MYLK4: variants seen among roughly 807,000 people sequenced by gnomAD.
MYLK4 encodes the protein caMLCK like.
In MYLK4, 46 loss-of-function variants were observed where a neutral mutation model predicts 48.1. The observed-to-expected ratio is 0.96, with a 90% CI of 0.75 to 1.22. The LOEUF is 1.22. Ranked by LOEUF, MYLK4 falls within the 50% of genes most tolerant of loss-of-function variation. MYLK4 has a pLI of 0.00. For synonymous variants in MYLK4, 170 were observed against 180.8 expected, an observed-to-expected ratio of 0.94 and a Z score of 0.48; for missense variants, 451 against 486.1, an observed-to-expected ratio of 0.93 and a Z score of 0.68.
chr6:2,676,622 A>G (rs1389663484), intron 10 of MYLK4, among the ~76,000 whole-genome samples: 3 of 152,200 alleles, frequency 2.0e-5, no homozygotes, highest in East Asian at 1.9e-4. Flanking sequence ...GTTTCATCCA[A>G]GCATTGACTG....
chr6:2,701,938 A>G (rs1032134123), intron 2 of MYLK4, among the ~76,000 whole-genome samples: 6 of 152,236 alleles, frequency 3.9e-5, no homozygotes, highest in Non-Finnish European at 2.9e-5. Context: ...TCGTGTGTCT[A>G]TTTACATCTT....
At chr6:2,683,391 T>TTGTG (rs67359849) in intron 6 of MYLK4, among the ~76,000 whole-genome samples, 4,144 of 126,592 alleles carry the variant, frequency 0.033, 160 homozygotes, top group African/African-American at 0.036. Flanking sequence ...CCCCACCTTT[T>TTGTG]TGTGTGTGTG....
intron 2 of MYLK4, among the ~76,000 whole-genome samples, chr6:2,711,170 T>C (rs17291253): frequency 0.02 from 3,052 of 152,286 alleles, 54 homozygotes; most frequent in Non-Finnish European, 0.033. Context: ...TATCAGTCCA[T>C]TAATTAACAC....
chr6:2,680,109 A>T, intron 8 of MYLK4, 112 bp downstream of exon 8: 2 of 1,242,590 alleles, frequency 1.6e-6, no homozygotes, highest in Non-Finnish European at 2.2e-6. Flanking sequence ...TGTTAAATTA[A>T]TTATAAATGA....
At position 2,718,917 on chromosome 6, in the gene MYLK4, C is replaced by T. The variant is rs145412053; in HGVS notation, c.160-26058G>A. Among the ~76,000 whole-genome samples, 598 of 152,286 alleles carry T rather than the reference C, an allele frequency of 3.9e-3. 5 individuals carry two copies. The highest frequency in any genetic ancestry group is 0.014 in the African/African-American group (564 of 41,550). ...GAATGTTTTTCTTTTACATTAAGAA[C>T]GCCTTTAGATATGGCTAGAAGTCAC... On this transcript the variant is annotated intron_variant, in intron 2 of 12. Transcript: ENST00000274643.
Position 2,749,251 on chromosome 6 carries a change from T to C in MYLK4, c.44A>G (p.Asn15Ser). Residue 15 changes from asparagine to serine, a missense_variant, in exon 2 of 13, where the codon AAC (asparagine) becomes AGC (serine). Transcript: ENST00000274643. ...KRLEEFNTCY[N>S]SNQLEKMAFF... ...GGCCATTTTCTCCAGCTGGTTGCTG[T>C]TATAACACGTGTTGAATTCTTCCAG... The C allele has an allele frequency of 2.5e-6, 4 of 1,614,086 alleles. No homozygotes were observed. The highest frequency in any genetic ancestry group is 2.5e-6 in the Non-Finnish European group (3 of 1,179,952).
intron 2 of MYLK4, among the ~76,000 whole-genome samples, chr6:2,717,594 T>C (rs1043473846): frequency 6.6e-6 from 1 of 152,222 alleles, no homozygotes; most frequent in African/African-American, 2.4e-5. Context: ...AAGGTCACAC[T>C]GAATAAACAC....
At chr6:2,696,828 G>A (rs972037589) in intron 2 of MYLK4, among the ~76,000 whole-genome samples, 9 of 152,204 alleles carry the variant, frequency 5.9e-5, no homozygotes, top group South Asian at 2.1e-4. Flanking sequence ...TTGGGAGGCC[G>A]AGGTGGGCAG....
the MYLK4 span, among the ~76,000 whole-genome samples, chr6:2,759,809 A>G: frequency 2.0e-4 from 31 of 152,294 alleles, no homozygotes; most frequent in East Asian, 4.8e-3. Context: ...AACTTTCTCT[A>G]TTTTACTAGA....
chr6:2,766,715 G>C, the MYLK4 span, among the ~76,000 whole-genome samples: 8 of 152,198 alleles, frequency 5.3e-5, no homozygotes, highest in African/African-American at 1.9e-4. Context: ...ACAAGATGTG[G>C]ACTCTTAGAT....
chr6:2,740,263 C>G (rs1763852122), intron 2 of MYLK4, among the ~76,000 whole-genome samples: 1 of 152,192 alleles, frequency 6.6e-6, no homozygotes, highest in South Asian at 2.1e-4. Flanking sequence ...CGCATGCTCT[C>G]CCCCACCTCT....
chr6:2,699,293 T>TTTC (rs1554128662), intron 2 of MYLK4, among the ~76,000 whole-genome samples: 1 of 90,328 alleles, frequency 1.1e-5, no homozygotes, highest in African/African-American at 4.8e-5. Context: ...TTTTCTTTTT[T>TTTC]TTTTTTTTTT....
chr6:2,745,381 C>T (rs1472386269), intron 2 of MYLK4, among the ~76,000 whole-genome samples: 1 of 152,188 alleles, frequency 6.6e-6, no homozygotes, highest in Non-Finnish European at 1.5e-5. Flanking sequence ...TCATTTATAA[C>T]TTAATGGTAT....
At chr6:2,761,451 T>C in the MYLK4 span, among the ~76,000 whole-genome samples, 1 of 152,248 alleles carries the variant, frequency 6.6e-6, no homozygotes, top group Admixed American at 6.5e-5. Flanking sequence ...GTACGTTTTT[T>C]TCATTTATTT....
At chr6:2,719,543 A>G (rs1370667665) in intron 2 of MYLK4, among the ~76,000 whole-genome samples, 1 of 152,196 alleles carries the variant, frequency 6.6e-6, no homozygotes, top group Non-Finnish European at 1.5e-5. Flanking sequence ...GTCTGTGAAA[A>G]TGTGTGGCAT....
intron 2 of MYLK4, among the ~76,000 whole-genome samples, chr6:2,697,179 T>A (rs571925532): frequency 8.2e-4 from 125 of 152,306 alleles, no homozygotes; most frequent in African/African-American, 2.9e-3. Flanking sequence ...CAGCACAAAA[T>A]CAAAATAATT....
intron 2 of MYLK4, among the ~76,000 whole-genome samples, chr6:2,718,826 C>CT (rs1310883103): frequency 1.3e-5 from 2 of 152,178 alleles, no homozygotes; most frequent in African/African-American, 4.8e-5. Context: ...ATAAAAATAG[C>CT]TACTAGTCAT....
At chr6:2,712,384 G>T (rs1762704319) in intron 2 of MYLK4, among the ~76,000 whole-genome samples, 1 of 152,140 alleles carries the variant, frequency 6.6e-6, no homozygotes, top group South Asian at 2.1e-4. Context: ...GGCTTGCCCA[G>T]ACCCATGTGT....
chr6:2,700,117 T>C (rs533722672), intron 2 of MYLK4, among the ~76,000 whole-genome samples: 1 of 152,312 alleles, frequency 6.6e-6, no homozygotes, highest in Non-Finnish European at 1.5e-5. Flanking sequence ...ACTGCCACCT[T>C]ACCTGTCCTC....
Sources: gnomAD v4.1 joint callset for allele counts (sites outside exome capture counted in the v4.1 genomes callset) on GRCh38, gnomAD v4.1.1 for gene constraint, MANE v1.5 for transcripts, NCBI Gene and HGNC (gene_info 2026-07-23, HGNC 2026-07-21) for gene names.